ANAPC13: variants seen among roughly 807,000 people sequenced by gnomAD.
The protein encoded by ANAPC13 is anaphase promoting complex subunit 13.
ANAPC13 carries 9 observed loss-of-function variants against 9.6 expected under a neutral mutation model. That is an observed-to-expected ratio of 0.94 (90% CI 0.57 to 1.64). The LOEUF (loss-of-function observed/expected upper bound fraction) is 1.64, where lower values mean the gene tolerates loss of function less well. Ranked by LOEUF, ANAPC13 falls within the 40% of genes most tolerant of loss-of-function variation. The probability of loss-of-function intolerance (pLI) is 0.00; values close to 1 mark genes in which losing one functional copy is unlikely to be tolerated. For missense variants in ANAPC13, 75 were observed against 85.3 expected, an observed-to-expected ratio of 0.88 and a Z score of 0.48; for synonymous variants, 30 against 29.7, an observed-to-expected ratio of 1.01 and a Z score of -0.03.
intron 2 of ANAPC13, among the ~76,000 whole-genome samples, chr3:134,481,372 C>A (rs1023600679): frequency 6.6e-6 from 1 of 152,102 alleles, no homozygotes; most frequent in Non-Finnish European, 1.5e-5. Flanking sequence ...TCACCATGTC[C>A]CAAAGCCTTT....
At chr3:134,485,991 G>GGC, upstream of ANAPC13, 10 of 938,142 alleles carry the variant, frequency 1.1e-5, no homozygotes, top group Non-Finnish European at 1.3e-5. Flanking sequence ...CTCCTGCCAC[G>GGC]CCCCCCCCCC....
At chr3:134,484,220 A>C (rs1338495416) in intron 1 of ANAPC13, among the ~76,000 whole-genome samples, 1 of 152,196 alleles carries the variant, frequency 6.6e-6, no homozygotes, top group Non-Finnish European at 1.5e-5. Context: ...CTCTACTAAA[A>C]ATACAAAAAA....
upstream of ANAPC13, chr3:134,486,001 C>G (rs891678203): frequency 6.8e-4 from 670 of 982,442 alleles, 15 homozygotes; most frequent in African/African-American, 0.011. Flanking sequence ...GCCCCCCCCC[C>G]CTCCCCCGCA....
chr3:134,477,969 A>T lies in ANAPC13; in HGVS notation c.*621T>A, dbSNP rs978025022. ...TTGAGAAAAGGCTTTGAATAAAACT[A>T]GTCATCCACCTAGCCAAAGATCCTT... On this transcript the variant is annotated 3_prime_UTR_variant, in exon 3 of 3. Coordinates refer to ENST00000354910, the MANE Select transcript of ANAPC13 (RefSeq NM_015391.4). The T allele has an allele frequency of 5.9e-5, 9 of 152,302 alleles. No individual in the cohort carries two copies. The highest frequency in any genetic ancestry group is 1.3e-4 in the Admixed American group (2 of 15,288). 9.4% of individuals were successfully genotyped at this position (152,302 alleles called of 1,614,324 possible). A position where few individuals can be genotyped will look rare whatever the true frequency, so the allele number is the denominator to read the frequency against.
At chr3:134,485,988 C>T, upstream of ANAPC13, 1 of 849,744 alleles carries the variant, frequency 1.2e-6, no homozygotes, top group Non-Finnish European at 1.3e-6. Context: ...TTGCTCCTGC[C>T]ACGCCCCCCC....
intron 2 of ANAPC13, among the ~76,000 whole-genome samples, chr3:134,481,685 C>G (rs891819965): frequency 2.0e-5 from 3 of 152,196 alleles, no homozygotes; most frequent in Non-Finnish European, 4.4e-5. Flanking sequence ...AAATGCTTGT[C>G]AAATGAATGA....
At position 134,478,241 on chromosome 3, in the gene ANAPC13, C is replaced by T. The variant is rs1934655091; in HGVS notation, c.*349G>A. 1.6e-5 allele frequency: 3 copies of T among 182,250 alleles called. No individual in the cohort carries two copies. In the Admixed American group the frequency reaches 1.8e-4, roughly 11 times the overall value. 11.3% of individuals were successfully genotyped at this position (182,250 alleles called of 1,614,324 possible). On this transcript the variant is annotated 3_prime_UTR_variant, in exon 3 of 3. Transcript: ENST00000354910. ...CTGGCTTCCTTTTTCTTTGCCTTTC[C>T]CTCTCATACGTTCAATCACCTGTGT...
Position 134,478,248 on chromosome 3 carries a change from T to C in ANAPC13, c.*342A>G, listed in dbSNP as rs2107698344. On this transcript the variant is annotated 3_prime_UTR_variant, in exon 3 of 3. Coordinates refer to ENST00000354910, the MANE Select transcript of ANAPC13 (RefSeq NM_015391.4). Reference sequence around the variant, plus strand: ...CCTTTTTCTTTGCCTTTCCCTCTCATACGTTCAATCACCTGTGTTACAGGA... The same window carrying C: ...CCTTTTTCTTTGCCTTTCCCTCTCACACGTTCAATCACCTGTGTTACAGGA... 5.1e-6 allele frequency: 1 copy of C among 196,606 alleles called. No individual in the cohort carries two copies. Among genetic ancestry groups the C allele is most frequent in the East Asian group, 1.5e-4 (1 of 6,542 alleles). 12.2% of individuals were successfully genotyped at this position (196,606 alleles called of 1,614,324 possible).
At chr3:134,482,437 T>C (rs1934755534) in intron 2 of ANAPC13, among the ~76,000 whole-genome samples, 1 of 152,256 alleles carries the variant, frequency 6.6e-6, no homozygotes, top group African/African-American at 2.4e-5. Flanking sequence ...GAAAGACTGA[T>C]GAGCCACAGG....
rs931748058 is a variant in ANAPC13, at chr3:134,477,760, A to T, written c.*830T>A. 6.6e-6 allele frequency: 1 copy of T among 152,258 alleles called. No homozygotes were observed. The allele number at this position is 152,258 out of a possible 1,614,324, so 9.4% of individuals were successfully genotyped here. On this transcript the variant is annotated 3_prime_UTR_variant, in exon 3 of 3. Transcript: ENST00000354910. ...AGTGTTTTCAGAGTTTCAACAAGGGATACAGATACAAGCAGCTTCTTACAG... is the reference window on the plus strand; with the variant it reads ...AGTGTTTTCAGAGTTTCAACAAGGGTTACAGATACAAGCAGCTTCTTACAG...
chr3:134,485,265 A>G (rs1935008531), intron 1 of ANAPC13: 1 of 152,402 alleles, frequency 6.6e-6, no homozygotes, highest in Admixed American at 6.5e-5. Context: ...CCACCGTCCC[A>G]AGTACTCGTC....
At chr3:134,478,764 C>G in intron 2 of ANAPC13, 49 bp from the exon 3 acceptor site, 1 of 1,602,572 alleles carries the variant, frequency 6.2e-7, no homozygotes, top group South Asian at 1.1e-5. Context: ...TCTGCATCTT[C>G]TTGGAACTCA....
chr3:134,479,577 A>G (rs4974481), intron 2 of ANAPC13, among the ~76,000 whole-genome samples: 101,390 of 151,904 alleles, frequency 0.67, 34,220 homozygotes, highest in East Asian at 0.82. Context: ...TCGAACTCCC[A>G]ACCTCAGGTG....
Position 134,480,758 on chromosome 3 carries a change from C to G in ANAPC13, c.100-2043G>C, listed in dbSNP as rs187692738. Among the ~76,000 whole-genome samples, 3 of 152,318 alleles carry G rather than the reference C, an allele frequency of 2.0e-5. No individual in the cohort carries two copies. In the East Asian group the frequency reaches 5.8e-4, roughly 29 times the overall value. ...CCAGCCTCCAGAGTCTGTTGGCTGA[C>G]TGCACAACACAGGCAAGCCTGGCAG... On this transcript the variant is annotated intron_variant, in intron 2 of 2. Transcript: ENST00000354910.
At chr3:134,483,578 G>C (rs550980280) in intron 1 of ANAPC13, among the ~76,000 whole-genome samples, 1 of 152,132 alleles carries the variant, frequency 6.6e-6, no homozygotes, top group Admixed American at 6.5e-5. Context: ...AAATGGTCAC[G>C]ATGCTTATTT....
Position 134,478,603 on chromosome 3 carries a change from G to T in ANAPC13, c.212C>A (p.Pro71His), listed in dbSNP as rs573927795. ...AGGAGCCAAGCGTCAGTTTCCAATG[G>T]GGGGAACATTCTCATGGAGGTACTG... is the stretch of plus-strand genomic sequence containing the variant. ...ALQYLHENVPPIGN is the reference protein window; with the variant it reads ...ALQYLHENVPHIGN The change falls in exon 3 of 3, where the codon CCC becomes CAC. Residue 71 changes from proline (P) to histidine (H), a missense_variant. Pro to His is a moderately conservative substitution (Grantham distance 77). Transcript: ENST00000354910. The T allele has an allele frequency of 3.8e-5, 61 of 1,613,688 alleles. No individual in the cohort carries two copies. In the South Asian group the frequency reaches 5.9e-4, roughly 16 times the overall value.
chr3:134,485,257 A>G (rs1435829898), intron 1 of ANAPC13: 2 of 152,224 alleles, frequency 1.3e-5, no homozygotes, highest in Admixed American at 6.5e-5. Flanking sequence ...TATTAAAGCC[A>G]CCGTCCCAAG....
At chr3:134,481,795 C>T (rs1196818712) in intron 2 of ANAPC13, among the ~76,000 whole-genome samples, 1 of 152,166 alleles carries the variant, frequency 6.6e-6, no homozygotes, top group Non-Finnish European at 1.5e-5. Flanking sequence ...GGCAAGTTGC[C>T]CTTTCTGATC....
In ANAPC13 at chr3:134,478,710, C is replaced by A. The variant is rs1019039483; in HGVS notation, c.105G>T (p.Glu35Asp). 3 of 1,613,634 alleles carry A rather than the reference C, an allele frequency of 1.9e-6. No individual in the cohort carries two copies. Residue 35 changes from glutamate (E) to aspartate (D), a missense_variant, in exon 3 of 3, where the codon GAG becomes GAT. By Grantham distance (45) the Glu-to-Asp change is conservative (BLOSUM62 2). Coordinates refer to ENST00000354910, the MANE Select transcript of ANAPC13 (RefSeq NM_015391.4). The part of the protein sequence containing the change: ...PYEDVAIPLN[E>D]LPEPEQDNGG... ...CATTGTCTTGTTCAGGTTCAGGAAG[C>A]TCATTCTGAAAAGGTACAATAGAAA...
Sources: allele counts gnomAD v4.1 joint callset (sites outside exome capture counted in the v4.1 genomes callset), GRCh38; gene constraint gnomAD v4.1.1; transcripts MANE v1.5; gene names NCBI Gene and HGNC (gene_info 2026-07-23, HGNC 2026-07-21).